Variants in PSD3 observed in about 807,000 individuals in gnomAD.
The protein encoded by PSD3 is PH and SEC7 domain-containing protein 3.
Under a neutral mutation model 105.5 loss-of-function variants are expected in PSD3, and 49 were observed. That is an observed-to-expected ratio of 0.46 (90% confidence interval 0.37 to 0.59). The LOEUF (loss-of-function observed/expected upper bound fraction) is 0.59. Among genes scored for constraint, PSD3 ranks in the 20% least tolerant of loss-of-function variants. PSD3 has a pLI of 0.00. For missense variants in PSD3, 1,561 were observed against 1,263.8 expected (o/e 1.24, Z -3.57); for synonymous variants, 557 against 457.8 (o/e 1.22, Z -2.77).
At position 18,687,533 on chromosome 8, in the gene PSD3, C is replaced by T. The variant is rs185761014; in HGVS notation, c.2173-31848G>A. On this transcript the variant is annotated intron_variant, in intron 9 of 15. Coordinates refer to ENST00000327040, the MANE Select transcript of PSD3 (RefSeq NM_015310.4). ...GAATACAATAAATACGAAATGATTT[C>T]CCCCCTAACTATACAAAAAAGTATG... Among the ~76,000 whole-genome samples, 120 of 151,366 alleles carry T rather than the reference C, an allele frequency of 7.9e-4. 1 individual carries two copies. Among genetic ancestry groups the T allele is most frequent in the African/African-American group, 2.8e-3 (115 of 41,236 alleles).
intron 1 of PSD3, among the ~76,000 whole-genome samples, chr8:19,080,152 G>C (rs977137384): frequency 6.6e-6 from 1 of 152,164 alleles, no homozygotes; most frequent in African/African-American, 2.4e-5. Flanking sequence ...GCCTCCCAAA[G>C]TGCTGGGATT....
intron 1 of PSD3, among the ~76,000 whole-genome samples, chr8:19,074,872 G>A (rs1481096956): frequency 1.3e-5 from 2 of 151,426 alleles, no homozygotes; most frequent in Non-Finnish European, 2.9e-5. Context: ...CGCCTGCCTC[G>A]GCCTCCCAAC....
chr8:18,817,508 G>A (rs1812310713), intron 4 of PSD3, among the ~76,000 whole-genome samples: 1 of 152,178 alleles, frequency 6.6e-6, no homozygotes, highest in African/African-American at 2.4e-5. Flanking sequence ...CTTGGATAAT[G>A]GCTGGGCTTT....
chr8:18,913,112 CA>C lies in PSD3; in HGVS notation c.130+22921del, dbSNP rs1368953208. Among the ~76,000 whole-genome samples the C allele has an allele frequency of 9.9e-5, 15 of 151,446 alleles. 1 individual carries two copies. In the South Asian group the frequency reaches 1.7e-3, roughly 17 times the overall value. ...ACACACACACACACACACACACACA[CA>C]CACACACACACTCTCCTTCTCCTAT... On this transcript the variant is annotated intron_variant, in intron 2 of 15. Coordinates refer to ENST00000327040, the MANE Select transcript of PSD3 (RefSeq NM_015310.4).
At chr8:18,683,507 C>T (rs1800495713) in intron 9 of PSD3, among the ~76,000 whole-genome samples, 1 of 152,214 alleles carries the variant, frequency 6.6e-6, no homozygotes, top group Non-Finnish European at 1.5e-5. Context: ...ACAACAGTTT[C>T]CCACAGTCAT....
intron 2 of PSD3, among the ~76,000 whole-genome samples, chr8:18,904,989 G>A (rs1207197364): frequency 6.6e-6 from 1 of 152,178 alleles, no homozygotes; most frequent in African/African-American, 2.4e-5. Flanking sequence ...TGCTGGCACT[G>A]TGTATTAGGT....
At chr8:18,916,299 TA>T (rs1820583540) in intron 2 of PSD3, among the ~76,000 whole-genome samples, 1 of 406 alleles carries the variant, frequency 2.5e-3, no homozygotes, top group African/African-American at 0.012. Flanking sequence ...AAAAAAGTGA[TA>T]TATATATATA....
chr8:18,710,309 G>A (rs1802175093), intron 9 of PSD3, among the ~76,000 whole-genome samples: 1 of 152,004 alleles, frequency 6.6e-6, no homozygotes, highest in South Asian at 2.1e-4. Flanking sequence ...AAAATGAGAA[G>A]GAATGAACAA....
At chr8:19,063,301 T>C (rs1828965046) in intron 1 of PSD3, among the ~76,000 whole-genome samples, 1 of 152,202 alleles carries the variant, frequency 6.6e-6, no homozygotes, top group African/African-American at 2.4e-5. Flanking sequence ...AACCAAAATA[T>C]TTCAATTTTA....
intron 1 of PSD3, among the ~76,000 whole-genome samples, chr8:18,955,928 C>T (rs771516134): frequency 5.3e-5 from 8 of 151,898 alleles, no homozygotes; most frequent in Non-Finnish European, 7.4e-5. Context: ...GACACTGCCT[C>T]GGCTAATTTT....
chr8:18,816,146 A>G (rs1000555166), intron 4 of PSD3, among the ~76,000 whole-genome samples: 3 of 152,192 alleles, frequency 2.0e-5, no homozygotes, highest in African/African-American at 7.2e-5. Context: ...ACCCAATATG[A>G]ATGAATTAGT....
intron 2 of PSD3, among the ~76,000 whole-genome samples, chr8:18,908,144 C>G (rs1258086557): frequency 6.6e-6 from 1 of 151,980 alleles, no homozygotes; most frequent in African/African-American, 2.4e-5. Flanking sequence ...TCTCTGTTGG[C>G]AAAAGAAATA....
At chr8:18,788,901 C>G (rs1364124490) in intron 8 of PSD3, among the ~76,000 whole-genome samples, 1 of 152,180 alleles carries the variant, frequency 6.6e-6, no homozygotes, top group Non-Finnish European at 1.5e-5. Flanking sequence ...CCTCAGGTGT[C>G]CATTCCTTTT....
intron 4 of PSD3, among the ~76,000 whole-genome samples, chr8:18,864,144 G>T (rs372371747): frequency 1.3e-4 from 20 of 152,312 alleles, no homozygotes; most frequent in African/African-American, 4.8e-4. Flanking sequence ...TTTTGTTGAA[G>T]ATATCTGGTC....
chr8:18,765,319 A>T, intron 9 of PSD3, 130 bp downstream of exon 9: 1 of 757,822 alleles, frequency 1.3e-6, no homozygotes, highest in Non-Finnish European at 2.2e-6. Flanking sequence ...AAGGCTTAAA[A>T]GAAACATCAC....
At chr8:18,778,571 T>A (rs558947093) in intron 8 of PSD3, among the ~76,000 whole-genome samples, 32 of 152,244 alleles carry the variant, frequency 2.1e-4, no homozygotes, top group Non-Finnish European at 4.0e-4. Context: ...TGCCTCAGTA[T>A]GTAGTTAGCT....
Position 18,607,692 on chromosome 8 carries a change from AAAACAAAAC to A in PSD3, c.2411-7267_2411-7259del, listed in dbSNP as rs1398880693. On this transcript the variant is annotated intron_variant, in intron 11 of 15. Transcript: ENST00000327040. ...CAAGACTCCACTGCTACAAAAAAAA[AAAACAAAAC>A]AAAAAAAAAAAGGAAGTCAGGTGTA... 2.8e-4 allele frequency among the ~76,000 whole-genome samples: 25 copies of A among 90,514 alleles called. 1 individual carries two copies. The highest frequency in any genetic ancestry group is 9.8e-4 in the African/African-American group (19 of 19,346). 59.4% of individuals were successfully genotyped at this position (90,514 alleles called of 152,430 possible). A position where few individuals can be genotyped will look rare whatever the true frequency, so the allele number is the denominator to read the frequency against.
chr8:18,954,842 C>A (rs1046880762), intron 1 of PSD3, among the ~76,000 whole-genome samples: 9 of 152,186 alleles, frequency 5.9e-5, no homozygotes, highest in Admixed American at 1.3e-4. Flanking sequence ...CTGAGAAACA[C>A]TGCTCTAATC....
chr8:18,946,258 C>A (rs1822848372), intron 1 of PSD3, among the ~76,000 whole-genome samples: 1 of 152,150 alleles, frequency 6.6e-6, no homozygotes, highest in Admixed American at 6.5e-5. Flanking sequence ...CAAGTCCTAG[C>A]ATGTGTAGCA....
Sources: gnomAD v4.1 joint callset for allele counts (sites outside exome capture counted in the v4.1 genomes callset) on GRCh38, gnomAD v4.1.1 for gene constraint, MANE v1.5 for transcripts, NCBI Gene and HGNC (gene_info 2026-07-23, HGNC 2026-07-21) for gene names.